The following OSBPL3 variants were observed in gnomAD, a reference collection of about 807,000 sequenced individuals.
The protein encoded by OSBPL3 is oxysterol binding protein like 3.
A neutral mutation model predicts 120.1 loss-of-function variants in OSBPL3; 65 were observed. That is an observed-to-expected ratio of 0.54 (90% CI 0.44 to 0.67). The LOEUF is 0.67. Ranked by LOEUF, OSBPL3 falls within the 30% of genes least tolerant of loss-of-function variation. The probability of loss-of-function intolerance (pLI) is 0.00; values close to 1 mark genes in which losing one functional copy is unlikely to be tolerated. For missense variants in OSBPL3, 1,004 were observed against 1,082.1 expected, an observed-to-expected ratio of 0.93 and a Z score of 1.01; for synonymous variants, 416 against 402.6, an observed-to-expected ratio of 1.03 and a Z score of -0.40.
intron 10 of OSBPL3, 75 bp downstream of exon 10, chr7:24,861,538 C>T: frequency 1.0e-6 from 1 of 985,712 alleles, no homozygotes; most frequent in East Asian, 2.5e-5. Flanking sequence ...GATACTCTCT[C>T]TAAGGACATC....
chr7:24,807,024 G>A (rs556166649), intron 20 of OSBPL3, 122 bp from the exon 21 acceptor site: 1 of 798,430 alleles, frequency 1.3e-6, no homozygotes, highest in Non-Finnish European at 1.9e-6. Flanking sequence ...TTCCATTTCT[G>A]TTAAAATATT....
rs561299129 is a variant in OSBPL3, at chr7:24,913,605, C to A, written c.-149-20984G>T. Among the ~76,000 whole-genome samples, 3 of 152,212 alleles carry A rather than the reference C, an allele frequency of 2.0e-5. No homozygotes were observed. The highest frequency in any genetic ancestry group is 2.0e-4 in the Admixed American group (3 of 15,296). On this transcript the variant is annotated intron_variant, in intron 1 of 22. Transcript: ENST00000313367. This position sits in a 1 kb window ranked among gnomAD's most constrained non-coding sequence, Gnocchi z 5.3. ...ACAAAGTGACACTGGGAATCTAGGA[C>A]TGGGCACAAAGATGAAAAGACACAT...
At position 24,922,759 on chromosome 7, in the gene OSBPL3, T is replaced by C. The variant is rs541652463; in HGVS notation, c.-149-30138A>G. On this transcript the variant is annotated intron_variant, in intron 1 of 22. Transcript: ENST00000313367. The surrounding 1 kb of genome is among the most constrained non-coding windows in gnomAD (Gnocchi z 4.3). ...TTTGCACGTAATCCCCTAGTCCTGC[T>C]TCAGGCTTCAGGTCAAGGATCTCTG... 1.3e-5 allele frequency among the ~76,000 whole-genome samples: 2 copies of C among 152,222 alleles called. No individual in the cohort carries two copies. The highest frequency in any genetic ancestry group is 1.9e-4 in the East Asian group (1 of 5,174).
Position 24,938,791 on chromosome 7 carries a change from G to C in OSBPL3, c.-150+41095C>G, listed in dbSNP as rs866139081. 0.055 allele frequency among the ~76,000 whole-genome samples: 7,651 copies of C among 139,978 alleles called. 572 individuals are homozygous for C. The highest frequency in any genetic ancestry group is 0.15 in the African/African-American group (5,527 of 36,564). The allele number at this position is 139,978 out of a possible 152,430, so 91.8% of individuals were successfully genotyped here. Reference sequence around the variant, plus strand: ...AGGTTTTGTTTTGATGTGTGTGTGTGTGTGTGTGTGTGTGTGTGTGTGTGT... The same window carrying C: ...AGGTTTTGTTTTGATGTGTGTGTGTCTGTGTGTGTGTGTGTGTGTGTGTGT... On this transcript the variant is annotated intron_variant, in intron 1 of 22. Transcript: ENST00000313367. This position sits in a 1 kb window ranked among gnomAD's most constrained non-coding sequence, Gnocchi z 5.8.
At chr7:24,907,872 C>T (rs1419508934) in intron 1 of OSBPL3, among the ~76,000 whole-genome samples, 2 of 152,216 alleles carry the variant, frequency 1.3e-5, no homozygotes, top group Non-Finnish European at 2.9e-5. Context: ...TTATTCACCT[C>T]TACATTCTGT....
intron 1 of OSBPL3, among the ~76,000 whole-genome samples, chr7:24,975,201 C>T (rs1817446561): frequency 6.6e-6 from 1 of 152,138 alleles, no homozygotes; most frequent in African/African-American, 2.4e-5. Context: ...TAGTACATAA[C>T]ATAGGCAAAA....
chr7:24,923,271 A>G (rs890747756), intron 1 of OSBPL3, among the ~76,000 whole-genome samples: 3 of 152,208 alleles, frequency 2.0e-5, no homozygotes, highest in African/African-American at 7.2e-5. Context: ...TCTGCTCCTC[A>G]GCAACCTGCT....
intron 1 of OSBPL3, among the ~76,000 whole-genome samples, chr7:24,977,824 C>T (rs1817759253): frequency 1.3e-5 from 2 of 152,214 alleles, no homozygotes; most frequent in African/African-American, 4.8e-5. Flanking sequence ...CCACTGTACT[C>T]CAGCCTGGGC....
rs539409184 is a variant in OSBPL3, at chr7:24,805,895, G to C, written c.2444+881C>G. 6.6e-6 allele frequency among the ~76,000 whole-genome samples: 1 copy of C among 152,244 alleles called. No homozygotes were observed. Among genetic ancestry groups the C allele is most frequent in the Non-Finnish European group, 1.5e-5 (1 of 68,022 alleles). Reference sequence around the variant, plus strand: ...GTTGCAGATACGGACTTCTCCGTTTGTCATTTATCTTTTGACCTTATATAT... The same window carrying C: ...GTTGCAGATACGGACTTCTCCGTTTCTCATTTATCTTTTGACCTTATATAT... On this transcript the variant is annotated intron_variant, in intron 21 of 22. Coordinates refer to ENST00000313367, the MANE Select transcript of OSBPL3 (RefSeq NM_015550.4). The surrounding 1 kb of genome is among the most constrained non-coding windows in gnomAD (Gnocchi z 4.0).
intron 1 of OSBPL3, among the ~76,000 whole-genome samples, chr7:24,956,878 T>C (rs1815125046): frequency 6.6e-6 from 1 of 152,230 alleles, no homozygotes; most frequent in Non-Finnish European, 1.5e-5. Flanking sequence ...AATTCCTTTT[T>C]AAAATGTGTT....
chr7:24,850,238 A>G (rs912967748), intron 11 of OSBPL3, among the ~76,000 whole-genome samples: 1 of 152,154 alleles, frequency 6.6e-6, no homozygotes, highest in African/African-American at 2.4e-5. Context: ...CAACCTCTCA[A>G]CTAGGAGGAA....
At chr7:24,832,986 A>G (rs2128176100) in intron 15 of OSBPL3, among the ~76,000 whole-genome samples, 1 of 152,394 alleles carries the variant, frequency 6.6e-6, no homozygotes, top group South Asian at 2.1e-4. Context: ...AAATTGCCAC[A>G]GCATGAAACA....
intron 1 of OSBPL3, among the ~76,000 whole-genome samples, chr7:24,958,091 A>T (rs1324480955): frequency 6.6e-6 from 1 of 152,190 alleles, no homozygotes; most frequent in Non-Finnish European, 1.5e-5. Context: ...CACTTCTAAA[A>T]GGAGAATTGT....
At chr7:24,868,310 C>T (rs910591013) in intron 5 of OSBPL3, among the ~76,000 whole-genome samples, 1 of 147,026 alleles carries the variant, frequency 6.8e-6, no homozygotes, top group African/African-American at 2.5e-5. Context: ...GAGCAAGACT[C>T]CGTCTCAAAA....
At chr7:24,844,566 T>C (rs1210047025) in intron 12 of OSBPL3, among the ~76,000 whole-genome samples, 1 of 152,200 alleles carries the variant, frequency 6.6e-6, no homozygotes, top group East Asian at 1.9e-4. Context: ...CTACAAGCAT[T>C]CTGACACATT....
Position 24,804,551 on chromosome 7 carries a change from G to C in OSBPL3, c.2445-114C>G, listed in dbSNP as rs983698098. 2.2e-6 allele frequency: 2 copies of C among 911,422 alleles called. No individual in the cohort carries two copies. Among genetic ancestry groups the C allele is most frequent in the Admixed American group, 2.3e-5 (1 of 42,994 alleles). 56.5% of individuals were successfully genotyped at this position (911,422 alleles called of 1,614,324 possible). ...GGATATTCAAAATCCTCTCCTATAC[G>C]TAAGACCCCGCCCCAACCGTTTAAT... On this transcript the variant is annotated intron_variant, in intron 21 of 22. Transcript: ENST00000313367. The surrounding 1 kb of genome is among the most constrained non-coding windows in gnomAD (Gnocchi z 5.4).
chr7:24,976,866 T>A (rs1455203683), intron 1 of OSBPL3, among the ~76,000 whole-genome samples: 1 of 152,178 alleles, frequency 6.6e-6, no homozygotes, highest in Non-Finnish European at 1.5e-5. Context: ...GCACCCAAAC[T>A]GGAATGAAGT....
chr7:24,840,899 G>A, intron 13 of OSBPL3, 116 bp from the exon 14 acceptor site: 1 of 574,788 alleles, frequency 1.7e-6, no homozygotes, highest in East Asian at 3.3e-5. Context: ...AAATACTCTT[G>A]GGTACTGTTT....
In OSBPL3 at chr7:24,813,849, C is replaced by T. The variant is rs925700745; in HGVS notation, c.2172+1210G>A. Among the ~76,000 whole-genome samples the T allele has an allele frequency of 2.0e-5, 3 of 152,110 alleles. No homozygotes were observed. Among genetic ancestry groups the T allele is most frequent in the African/African-American group, 2.4e-5 (1 of 41,410 alleles). On this transcript the variant is annotated intron_variant, in intron 19 of 22. Coordinates refer to ENST00000313367, the MANE Select transcript of OSBPL3 (RefSeq NM_015550.4). This position sits in a 1 kb window ranked among gnomAD's most constrained non-coding sequence, Gnocchi z 4.5. ...AGGAGGGAGAGAAAGCAGGGAGGGC[C>T]GCCAGCAAGGCTGTTAAAATGAGAG...
Sources: allele counts gnomAD v4.1 joint callset (sites outside exome capture counted in the v4.1 genomes callset), GRCh38; gene constraint gnomAD v4.1.1; non-coding constraint Gnocchi (gnomAD v3.1); transcripts MANE v1.5; gene names NCBI Gene and HGNC (gene_info 2026-07-23, HGNC 2026-07-21).